MCPH1: variants seen among roughly 807,000 people sequenced by gnomAD.
The protein encoded by MCPH1 is microcephalin.
In MCPH1, 104 loss-of-function variants were observed where a neutral mutation model predicts 84.5. The ratio of observed to expected loss-of-function variants is 1.23; its 90% CI spans 1.05 to 1.45. MCPH1 has a LOEUF of 1.45. Among genes scored for constraint, MCPH1 ranks in the 40% most tolerant of loss-of-function variants. The probability of loss-of-function intolerance (pLI) is 0.00; values close to 1 mark genes in which losing one functional copy is unlikely to be tolerated. For missense variants in MCPH1, 1,498 were observed against 1,005.7 expected (o/e 1.49, Z -6.62); for synonymous variants, 514 against 366.8 (o/e 1.40, Z -4.58).
chr8:6,431,420 A>C lies in MCPH1; in HGVS notation c.234-79A>C, dbSNP rs373350816. ...TAGCTATGGATTTCTTAAATTGCTA[A>C]TACATGTGCAGATTTAGTGCTGTGT... On this transcript the variant is annotated intron_variant, in intron 3 of 13. Transcript: ENST00000344683. 70 of 1,039,710 alleles carry C rather than the reference A, an allele frequency of 6.7e-5. 2 individuals are homozygous for C. Among genetic ancestry groups the C allele is most frequent in the East Asian group, 4.1e-4 (17 of 41,964 alleles). 64.4% of individuals were successfully genotyped at this position (1,039,710 alleles called of 1,614,324 possible).
intron 12 of MCPH1, among the ~76,000 whole-genome samples, chr8:6,596,850 C>G (rs991887438): frequency 6.6e-6 from 1 of 152,130 alleles, no homozygotes; most frequent in Non-Finnish European, 1.5e-5. Flanking sequence ...CATTATTGAC[C>G]ATGAAATAGC....
rs557171478 is a variant in MCPH1, at chr8:6,408,364, G to A, written c.23-915G>A. Among the ~76,000 whole-genome samples the A allele has an allele frequency of 2.0e-4, 31 of 151,908 alleles. 1 individual carries two copies. In the South Asian group the frequency reaches 4.0e-3, roughly 19 times the overall value. ...TGGGACTACAGGCACTACCACGCCC[G>A]GTTATTTTTATTTTTATTTTTTAAT... On this transcript the variant is annotated intron_variant, in intron 1 of 13. Coordinates refer to ENST00000344683, the MANE Select transcript of MCPH1 (RefSeq NM_024596.5).
intron 12 of MCPH1, 165 bp from the exon 13 acceptor site, chr8:6,621,289 C>T: frequency 1.2e-6 from 1 of 855,368 alleles, no homozygotes; most frequent in Admixed American, 2.1e-5. Context: ...TCATTAATGT[C>T]ATCATCTTCT....
intron 13 of MCPH1, among the ~76,000 whole-genome samples, chr8:6,640,157 T>C (rs989638238): frequency 2.7e-5 from 4 of 150,934 alleles, no homozygotes; most frequent in African/African-American, 9.7e-5. Context: ...ACAATCTGAA[T>C]TCAATTTTAA....
Position 6,444,959 on chromosome 8 carries a change from G to C in MCPH1, c.1237G>C (p.Asp413His). 6.2e-7 allele frequency: 1 copy of C among 1,614,168 alleles called. No individual in the cohort carries two copies. ...TCTTAGCTGTGGGGAGTCTTCATAT[G>C]ATGACTATTTTTCACCTGATAATCT... is the stretch of plus-strand genomic sequence containing the variant. ...EALSCGESSY[D>H]DYFSPDNLKE... Residue 413 changes from aspartate (D) to histidine (H), a missense_variant, in exon 8 of 14, where the codon GAT (aspartate) becomes CAT (histidine). Transcript: ENST00000344683.
At chr8:6,562,240 G>C (rs1190281692) in intron 12 of MCPH1, among the ~76,000 whole-genome samples, 3 of 152,180 alleles carry the variant, frequency 2.0e-5, no homozygotes, top group Non-Finnish European at 2.9e-5. Flanking sequence ...CTCACGGGCT[G>C]CTGCGGCTCA....
intron 12 of MCPH1, among the ~76,000 whole-genome samples, chr8:6,504,542 T>C (rs995686942): frequency 6.6e-6 from 1 of 152,112 alleles, no homozygotes; most frequent in Non-Finnish European, 1.5e-5. Context: ...AAGTAACGCT[T>C]ATTTGACTTA....
At chr8:6,475,386 A>T (rs1157636786) in intron 9 of MCPH1, among the ~76,000 whole-genome samples, 3 of 152,198 alleles carry the variant, frequency 2.0e-5, no homozygotes, top group Non-Finnish European at 4.4e-5. Context: ...ATCCTGGCAG[A>T]CGCCCTTGTG....
At chr8:6,437,230 T>A (rs2129554713) in intron 5 of MCPH1, among the ~76,000 whole-genome samples, 1 of 152,156 alleles carries the variant, frequency 6.6e-6, no homozygotes, top group East Asian at 1.9e-4. Context: ...ATTGTCGAGA[T>A]TTATTTTATT....
chr8:6,536,302 G>A (rs1189251928), intron 12 of MCPH1, among the ~76,000 whole-genome samples: 1 of 152,090 alleles, frequency 6.6e-6, no homozygotes, highest in Admixed American at 6.5e-5. Context: ...GGGATCCCAG[G>A]CGCCTCACAT....
intron 12 of MCPH1, among the ~76,000 whole-genome samples, chr8:6,613,461 C>G (rs1163365006): frequency 6.6e-6 from 1 of 151,650 alleles, no homozygotes; most frequent in African/African-American, 2.4e-5. Context: ...GGGTGGTGGG[C>G]TGTGTGCTGG....
At position 6,531,543 on chromosome 8, in the gene MCPH1, C is replaced by T. The variant is rs568443673; in HGVS notation, c.2214+31614C>T. 7.2e-5 allele frequency among the ~76,000 whole-genome samples: 11 copies of T among 152,198 alleles called. No individual in the cohort carries two copies. In the East Asian group the frequency reaches 9.6e-4, roughly 13 times the overall value. On this transcript the variant is annotated intron_variant, in intron 12 of 13. Transcript: ENST00000344683. ...CTGACCTCAGGTGATCCACCCATCT[C>T]GGCCTCCCAAAGTGCTGGAATTACA...
intron 12 of MCPH1, among the ~76,000 whole-genome samples, chr8:6,579,761 C>T (rs1165471638): frequency 6.6e-6 from 1 of 152,168 alleles, no homozygotes; most frequent in East Asian, 1.9e-4. Flanking sequence ...AAGCACGTGT[C>T]GCCAGAGGTC....
At chr8:6,590,893 T>C (rs77263196) in intron 12 of MCPH1, among the ~76,000 whole-genome samples, 16,061 of 152,152 alleles carry the variant, frequency 0.11, 927 homozygotes, top group Admixed American at 0.14. Context: ...GTTTGTTTGT[T>C]TTTGTTTTTG....
intron 13 of MCPH1, among the ~76,000 whole-genome samples, chr8:6,623,037 G>C (rs966944618): frequency 2.1e-5 from 2 of 93,858 alleles, no homozygotes; most frequent in African/African-American, 8.6e-5. Context: ...TTTTTTTGTA[G>C]AGATGGGGTC....
intron 12 of MCPH1, among the ~76,000 whole-genome samples, chr8:6,600,368 C>G (rs887131804): frequency 1.3e-5 from 2 of 152,234 alleles, no homozygotes; most frequent in African/African-American, 4.8e-5. Context: ...TAGCCCTCAG[C>G]GCACAGGTGG....
Position 6,621,685 on chromosome 8 carries a change from G to C in MCPH1, c.2446G>C (p.Val816Leu), listed in dbSNP as rs1454071338. 1.2e-6 allele frequency: 2 copies of C among 1,614,066 alleles called. No homozygotes were observed. The highest frequency in any genetic ancestry group is 1.7e-6 in the Non-Finnish European group (2 of 1,180,054). The change falls in exon 13 of 14, where the codon GTC (valine) becomes CTC (leucine). Residue 816 changes from valine (V) to leucine (L), a missense_variant. Coordinates refer to ENST00000344683, the MANE Select transcript of MCPH1 (RefSeq NM_024596.5). ...AGTCAAGTATCTGTCTGAGAAATGGGTCTTAGGTAAGAATCCAGGCACACA... is the reference window on the plus strand; with the variant it reads ...AGTCAAGTATCTGTCTGAGAAATGGCTCTTAGGTAAGAATCCAGGCACACA... ...ATVKYLSEKW[V>L]LDSITQHKVC...
At chr8:6,449,629 G>A (rs911667360) in intron 8 of MCPH1, among the ~76,000 whole-genome samples, 5 of 150,700 alleles carry the variant, frequency 3.3e-5, no homozygotes, top group East Asian at 1.9e-4. Context: ...GTGAAACTCC[G>A]TCTCAAAAAG....
chr8:6,635,698 C>G (rs541641254), intron 13 of MCPH1, among the ~76,000 whole-genome samples: 1 of 152,198 alleles, frequency 6.6e-6, no homozygotes, highest in Non-Finnish European at 1.5e-5. Context: ...GTTAGTGGTG[C>G]AGATACCATT....
Sources: gnomAD v4.1 joint callset for allele counts (sites outside exome capture counted in the v4.1 genomes callset) on GRCh38, gnomAD v4.1.1 for gene constraint, MANE v1.5 for transcripts, NCBI Gene and HGNC (gene_info 2026-07-23, HGNC 2026-07-21) for gene names.